Variants in BCAS3 observed in about 807,000 individuals in gnomAD.
BCAS3 encodes BCAS3 microtubule associated cell migration factor, also known as BCAS4/BCAS3 fusion.
In BCAS3, 53 loss-of-function variants were observed where a neutral mutation model predicts 116.1. The ratio of observed to expected loss-of-function variants is 0.46; its 90% confidence interval spans 0.37 to 0.57. BCAS3 has a LOEUF of 0.57. Ranked by LOEUF, BCAS3 falls within the 20% of genes least tolerant of loss-of-function variation. The probability of loss-of-function intolerance (pLI) is 0.00; values close to 1 mark genes in which losing one functional copy is unlikely to be tolerated. For missense variants in BCAS3, 917 were observed against 1,165.4 expected (o/e 0.79, Z 3.10); for synonymous variants, 391 against 408.2 (o/e 0.96, Z 0.51).
At chr17:60,989,033 C>T (rs902863877) in intron 14 of BCAS3, among the ~76,000 whole-genome samples, 8 of 151,786 alleles carry the variant, frequency 5.3e-5, no homozygotes, top group Admixed American at 2.0e-4. Flanking sequence ...AAACTTCCCT[C>T]TTAGTACTGC....
At chr17:61,287,914 G>A (rs75354785) in intron 22 of BCAS3, among the ~76,000 whole-genome samples, 1 of 152,206 alleles carries the variant, frequency 6.6e-6, no homozygotes, top group East Asian at 1.9e-4. Flanking sequence ...CATTGAAAAG[G>A]TACCATTATT....
At chr17:60,917,234 A>G (rs2058822551) in intron 12 of BCAS3, among the ~76,000 whole-genome samples, 1 of 152,244 alleles carries the variant, frequency 6.6e-6, no homozygotes, top group South Asian at 2.1e-4. Flanking sequence ...TTATATAATT[A>G]TCAGTACAGG....
chr17:60,808,566 A>G (rs975231166), intron 7 of BCAS3, among the ~76,000 whole-genome samples: 6 of 152,218 alleles, frequency 3.9e-5, no homozygotes, highest in Admixed American at 2.6e-4. Context: ...AGTCTTGATT[A>G]TTGTTTCCTA....
chr17:60,886,512 A>G (rs2056652092), intron 9 of BCAS3: 1 of 152,116 alleles, frequency 6.6e-6, no homozygotes, highest in Non-Finnish European at 1.5e-5. Flanking sequence ...TTGGAGGAGG[A>G]GAGACCCTCT....
chr17:61,091,349 G>A (rs1165112675), intron 22 of BCAS3, among the ~76,000 whole-genome samples: 1 of 152,172 alleles, frequency 6.6e-6, no homozygotes, highest in Non-Finnish European at 1.5e-5. Context: ...CTCTCATACA[G>A]GGCTGGACTG....
At chr17:61,107,082 CTTTTT>C (rs755754824) in intron 22 of BCAS3, among the ~76,000 whole-genome samples, 2 of 106,386 alleles carry the variant, frequency 1.9e-5, no homozygotes, top group African/African-American at 7.6e-5. Context: ...ACTAGGCTTA[CTTTTT>C]TTTTTTTTTT....
At position 61,259,934 on chromosome 17, in the gene BCAS3, T is replaced by C. The variant is rs1217155525; in HGVS notation, c.2426-108393T>C. On this transcript the variant is annotated intron_variant, in intron 22 of 23. Transcript: ENST00000407086. This position sits in a 1 kb window ranked among gnomAD's most constrained non-coding sequence, Gnocchi z 4.7. Reference sequence around the variant, plus strand: ...GATAATAATACTAATAGCCACTATTTATTGAATTGCTGTGTGAGGTAGGCG... The same window carrying C: ...GATAATAATACTAATAGCCACTATTCATTGAATTGCTGTGTGAGGTAGGCG... 6.6e-6 allele frequency among the ~76,000 whole-genome samples: 1 copy of C among 152,228 alleles called. No homozygotes were observed. The highest frequency in any genetic ancestry group is 2.4e-5 in the African/African-American group (1 of 41,456).
At chr17:60,716,108 G>A (rs771872943) in intron 5 of BCAS3, among the ~76,000 whole-genome samples, 14 of 152,062 alleles carry the variant, frequency 9.2e-5, no homozygotes, top group African/African-American at 1.7e-4. Context: ...TGCTGTGCCC[G>A]CCTCGGCCTC....
At chr17:60,821,438 C>T (rs942093975) in intron 7 of BCAS3, among the ~76,000 whole-genome samples, 2 of 152,040 alleles carry the variant, frequency 1.3e-5, no homozygotes, top group Non-Finnish European at 2.9e-5. Context: ...ACCTTTGAAA[C>T]TCTTTCTACA....
intron 22 of BCAS3, among the ~76,000 whole-genome samples, chr17:61,328,864 C>T (rs975551681): frequency 6.6e-6 from 1 of 150,784 alleles, no homozygotes; most frequent in Non-Finnish European, 1.5e-5. Flanking sequence ...TGTGCCTTCA[C>T]ATGGCAGAGC....
chr17:60,776,894 A>G lies in BCAS3; in HGVS notation c.403+29615A>G, dbSNP rs146032313. On this transcript the variant is annotated intron_variant, in intron 6 of 23. Coordinates refer to ENST00000407086, the MANE Select transcript of BCAS3 (RefSeq NM_017679.5). ...GCTGGGCGTGGAGTTACATGCCTGT[A>G]ATCCTAGCTACTCGGGAGGCTTAGG... is the stretch of plus-strand genomic sequence containing the variant. Among the ~76,000 whole-genome samples, 1,076 of 152,036 alleles carry G rather than the reference A, an allele frequency of 7.1e-3. 16 individuals carry two copies. Among genetic ancestry groups the G allele is most frequent in the African/African-American group, 0.025 (1,019 of 41,466 alleles).
intron 7 of BCAS3, chr17:60,851,259 C>G (rs1475621066): frequency 4.2e-6 from 1 of 240,010 alleles, no homozygotes; most frequent in African/African-American, 2.4e-5. Context: ...AAAAAATGAG[C>G]AAAAGGGTCT....
At chr17:60,862,766 G>A (rs2054266072) in intron 7 of BCAS3, among the ~76,000 whole-genome samples, 1 of 152,150 alleles carries the variant, frequency 6.6e-6, no homozygotes, top group African/African-American at 2.4e-5. Context: ...CTTCCTAGTA[G>A]CTGAGACTAC....
chr17:60,785,450 C>A (rs755082834), intron 6 of BCAS3, among the ~76,000 whole-genome samples: 2 of 152,256 alleles, frequency 1.3e-5, no homozygotes, highest in Admixed American at 1.3e-4. Flanking sequence ...TGAGCCACTG[C>A]GCCCAGCCAG....
chr17:60,796,427 G>A (rs548513930), intron 6 of BCAS3, among the ~76,000 whole-genome samples: 9 of 151,970 alleles, frequency 5.9e-5, no homozygotes, highest in Non-Finnish European at 8.8e-5. Flanking sequence ...CCTGTTGAGG[G>A]TGTCTAATTC....
chr17:61,238,275 C>T (rs1421858216), intron 22 of BCAS3, among the ~76,000 whole-genome samples: 4 of 146,014 alleles, frequency 2.7e-5, no homozygotes, highest in African/African-American at 7.6e-5. Flanking sequence ...CAGGCTGGAG[C>T]GCAGTGGCAT....
intron 4 of BCAS3, among the ~76,000 whole-genome samples, chr17:60,698,886 T>C (rs926366215): frequency 6.6e-6 from 1 of 152,054 alleles, no homozygotes; most frequent in Non-Finnish European, 1.5e-5. Context: ...TGAAACCCCA[T>C]CTTTACTAAG....
rs974067800 is a variant in BCAS3, at chr17:61,347,611, G to A, written c.2426-20716G>A. Among the ~76,000 whole-genome samples, 4 of 152,206 alleles carry A rather than the reference G, an allele frequency of 2.6e-5. No individual in the cohort carries two copies. The highest frequency in any genetic ancestry group is 9.6e-5 in the African/African-American group (4 of 41,454). Reference sequence around the variant, plus strand: ...GGCCATAAAATATTTTATTGCTTTTGTCTGTCTCCTTTACCAAATTTCCCA... The same window carrying A: ...GGCCATAAAATATTTTATTGCTTTTATCTGTCTCCTTTACCAAATTTCCCA... On this transcript the variant is annotated intron_variant, in intron 22 of 23. Coordinates refer to ENST00000407086, the MANE Select transcript of BCAS3 (RefSeq NM_017679.5). The surrounding 1 kb of genome is among the most constrained non-coding windows in gnomAD (Gnocchi z 4.3).
In BCAS3 at chr17:60,804,429, C is replaced by T. The variant is rs1038917948; in HGVS notation, c.404-3575C>T. 5.3e-5 allele frequency among the ~76,000 whole-genome samples: 8 copies of T among 151,982 alleles called. No individual in the cohort carries two copies. The South Asian group carries it at 1.5e-3, about 28-fold the overall frequency. On this transcript the variant is annotated intron_variant, in intron 6 of 23. Coordinates refer to ENST00000407086, the MANE Select transcript of BCAS3 (RefSeq NM_017679.5). ...CTTGGAGACAGAGGTTGCAGTGTGC[C>T]GAGATCATGCCATTGCACTCCAGCC...
Sources: gnomAD v4.1 joint callset for allele counts (sites outside exome capture counted in the v4.1 genomes callset) on GRCh38, gnomAD v4.1.1 for gene constraint, Gnocchi (gnomAD v3.1) non-coding constraint, MANE v1.5 for transcripts, NCBI Gene and HGNC (gene_info 2026-07-23, HGNC 2026-07-21) for gene names.